The following SESTD1 variants were observed in gnomAD, a reference collection of about 807,000 sequenced individuals.
SESTD1 encodes SEC14 and spectrin domain containing 1.
SESTD1 carries 43 observed loss-of-function variants against 101.7 expected under a neutral mutation model. The observed-to-expected ratio is 0.42, with a 90% CI of 0.33 to 0.55. The LOEUF is 0.55. Among genes scored for constraint, SESTD1 ranks in the 20% least tolerant of loss-of-function variants. SESTD1 has a pLI of 0.07. For synonymous variants in SESTD1, 283 were observed against 286.8 expected (o/e 0.99, Z 0.13); for missense variants, 647 against 815.1 (o/e 0.79, Z 2.51).
At chr2:179,135,000 A>G (rs2045106809) in intron 9 of SESTD1, among the ~76,000 whole-genome samples, 1 of 152,138 alleles carries the variant, frequency 6.6e-6, no homozygotes, top group South Asian at 2.1e-4. Flanking sequence ...GCTAGAGTGC[A>G]GTGGCATGAT....
chr2:179,240,744 G>A (rs1392754596), intron 1 of SESTD1, among the ~76,000 whole-genome samples: 1 of 152,172 alleles, frequency 6.6e-6, no homozygotes. Context: ...TTGAAAGTCT[G>A]TAAGGAGGCA....
At chr2:179,168,160 C>G (rs1044107216) in intron 5 of SESTD1, among the ~76,000 whole-genome samples, 2 of 152,166 alleles carry the variant, frequency 1.3e-5, no homozygotes, top group African/African-American at 2.4e-5. Context: ...ACCCCTGAGA[C>G]AGTAAGACCA....
At chr2:179,155,524 G>A (rs1165459154) in intron 5 of SESTD1, among the ~76,000 whole-genome samples, 1 of 152,038 alleles carries the variant, frequency 6.6e-6, no homozygotes, top group African/African-American at 2.4e-5. Context: ...GCCAAGGTAA[G>A]AGGACTGCTT....
intron 1 of SESTD1, among the ~76,000 whole-genome samples, chr2:179,232,176 T>G (rs1181810253): frequency 1.3e-5 from 2 of 152,032 alleles, no homozygotes; most frequent in African/African-American, 2.4e-5. Context: ...CTGATCATAA[T>G]TCTAACAAAA....
chr2:179,166,868 A>T (rs1279319390), intron 5 of SESTD1, among the ~76,000 whole-genome samples: 1 of 152,238 alleles, frequency 6.6e-6, no homozygotes, highest in Non-Finnish European at 1.5e-5. Context: ...AGCCAACTCA[A>T]TTCCTGGTTA....
At position 179,121,903 on chromosome 2, in the gene SESTD1, T is replaced by C. The variant is rs1218329477; in HGVS notation, c.1309A>G (p.Lys437Glu). ...VDVGLQGLRE[K>E]GQGLLDQISN... The stretch of plus-strand genomic sequence containing the variant: ...ATCTGATCCAGGAGACCTTGACCTT[T>C]TTCACGCAAACCTTGCAATCCCACA... The change falls in exon 13 of 18, where the codon AAA becomes GAA. Residue 437 changes from lysine to glutamate, a missense_variant. Lys to Glu is a moderately conservative substitution (Grantham distance 56, BLOSUM62 1). Around this residue, in one of 3 missense-constraint regions of SESTD1, gnomAD observed 476 missense variants for 562.6 expected, o/e 0.85. Transcript: ENST00000428443. 1 of 1,607,258 alleles carries C rather than the reference T, an allele frequency of 6.2e-7. No individual in the cohort carries two copies. The highest frequency in any genetic ancestry group is 1.1e-5 in the South Asian group (1 of 89,794).
chr2:179,188,822 C>A (rs1018920327), intron 2 of SESTD1, among the ~76,000 whole-genome samples: 3 of 152,130 alleles, frequency 2.0e-5, no homozygotes, highest in Non-Finnish European at 4.4e-5. Flanking sequence ...TAACTAGAAA[C>A]TCTAGAGAAA....
chr2:179,233,046 T>C (rs1052995765), intron 1 of SESTD1, among the ~76,000 whole-genome samples: 1 of 152,068 alleles, frequency 6.6e-6, no homozygotes, highest in African/African-American at 2.4e-5. Flanking sequence ...TCCACAAAGA[T>C]GAGAAAGCAA....
chr2:179,189,714 T>C (rs570499411), intron 2 of SESTD1, among the ~76,000 whole-genome samples: 2 of 152,222 alleles, frequency 1.3e-5, no homozygotes, highest in East Asian at 3.9e-4. Flanking sequence ...ATAAATTACA[T>C]TAGTAAAATG....
Position 179,115,183 on chromosome 2 carries a change from C to G in SESTD1, c.1721G>C (p.Arg574Pro). The part of the protein sequence containing the change: ...VLCQSLRCTS[R>P]SSGDTLPRLN... ...TCGAGGAAGTGTATCCCCAGATGAC[C>G]GAGAAGTGCAGCGCAAAGATTGGCA... The change falls in exon 16 of 18, where the codon CGG becomes CCG. Residue 574 changes from arginine to proline, a missense_variant. This residue lies in a region of SESTD1 where 476 missense variants were observed against 562.6 expected (regional missense o/e 0.85). Transcript: ENST00000428443. 2.5e-6 allele frequency: 4 copies of G among 1,613,726 alleles called. No individual in the cohort carries two copies. The highest frequency in any genetic ancestry group is 1.1e-5 in the South Asian group (1 of 91,024).
At position 179,105,591 on chromosome 2, in the gene SESTD1, A is replaced by G. The variant is rs1449643075; in HGVS notation, c.*4308T>C. The G allele has an allele frequency of 6.6e-6, 1 of 152,150 alleles. No homozygotes were observed. The highest frequency in any genetic ancestry group is 6.6e-5 in the Admixed American group (1 of 15,258). The allele number at this position is 152,150 out of a possible 1,614,324, so 9.4% of individuals were successfully genotyped here. ...CAATATGCCATTTCCTCACCATCCC[A>G]TGCTTGTCATGTGAGACAACAGAAA... On this transcript the variant is annotated 3_prime_UTR_variant, in exon 18 of 18. Coordinates refer to ENST00000428443, the MANE Select transcript of SESTD1 (RefSeq NM_178123.5).
chr2:179,212,363 C>A (rs965607951), intron 1 of SESTD1, among the ~76,000 whole-genome samples: 1 of 136,614 alleles, frequency 7.3e-6, no homozygotes, highest in African/African-American at 2.9e-5. Flanking sequence ...CCTGGTTCAG[C>A]AGGTCCCATG....
chr2:179,191,681 A>T, intron 2 of SESTD1, 106 bp downstream of exon 2: 1 of 929,878 alleles, frequency 1.1e-6, no homozygotes, highest in Non-Finnish European at 1.7e-6. Context: ...AATACCTTTT[A>T]AACAAAACTT....
At chr2:179,247,426 GTT>G (rs748441714) in intron 1 of SESTD1, among the ~76,000 whole-genome samples, 2 of 151,890 alleles carry the variant, frequency 1.3e-5, no homozygotes, top group Non-Finnish European at 2.9e-5. Context: ...TTTTGTTTTT[GTT>G]TTTGTTTTAA....
chr2:179,173,036 C>T (rs758065692), intron 4 of SESTD1, among the ~76,000 whole-genome samples: 1 of 152,164 alleles, frequency 6.6e-6, no homozygotes, highest in Non-Finnish European at 1.5e-5. Context: ...CCCCTGTTGG[C>T]CTCTCAGATC....
intron 2 of SESTD1, among the ~76,000 whole-genome samples, chr2:179,185,287 A>G (rs2046191707): frequency 6.7e-6 from 1 of 149,978 alleles, no homozygotes; most frequent in Non-Finnish European, 1.5e-5. Flanking sequence ...AAGAATATTT[A>G]CAAAATCATC....
At chr2:179,181,992 A>T (rs1039369937) in intron 3 of SESTD1, among the ~76,000 whole-genome samples, 30 of 6,678 alleles carry the variant, frequency 4.5e-3, no homozygotes, top group African/African-American at 0.02. Context: ...CCACAATATT[A>T]AAAAAAAAAA....
intron 8 of SESTD1, among the ~76,000 whole-genome samples, chr2:179,144,582 GTT>G (rs1334946098): frequency 6.6e-6 from 1 of 151,886 alleles, no homozygotes; most frequent in African/African-American, 2.4e-5. Context: ...GGTAAAAATT[GTT>G]TTTGTGACTA....
intron 10 of SESTD1, among the ~76,000 whole-genome samples, chr2:179,124,772 A>C (rs1490178121): frequency 6.6e-6 from 1 of 152,028 alleles, no homozygotes; most frequent in African/African-American, 2.4e-5. Context: ...GCTCTAAGTG[A>C]AACCTGTCCG....
Sources: gnomAD v4.1 joint callset for allele counts (sites outside exome capture counted in the v4.1 genomes callset) on GRCh38, gnomAD v4.1.1 for gene constraint, gnomAD v4.1.1 regional missense constraint, MANE v1.5 for transcripts, NCBI Gene and HGNC (gene_info 2026-07-23, HGNC 2026-07-21) for gene names.